CTNNA2: variants seen among roughly 807,000 people sequenced by gnomAD.
The protein encoded by CTNNA2 is catenin alpha-2.
In CTNNA2, 42 loss-of-function variants were observed where a neutral mutation model predicts 101.0. The ratio of observed to expected loss-of-function variants is 0.42; its 90% CI spans 0.32 to 0.54. CTNNA2 has a LOEUF of 0.54. Ranked by LOEUF, CTNNA2 falls within the 20% of genes least tolerant of loss-of-function variation. CTNNA2 has a pLI of 0.14. For synonymous variants in CTNNA2, 450 were observed against 456.4 expected, an observed-to-expected ratio of 0.99 and a Z score of 0.18; for missense variants, 871 against 1,223.1, an observed-to-expected ratio of 0.71 and a Z score of 4.29.
intron 2 of CTNNA2, among the ~76,000 whole-genome samples, chr2:79,653,235 A>T (rs1681380192): frequency 6.6e-6 from 1 of 152,090 alleles, no homozygotes; most frequent in Non-Finnish European, 1.5e-5. Context: ...CTTCATTTTC[A>T]TGAAGGGTTG....
At chr2:80,035,710 A>G (rs1194833563) in intron 7 of CTNNA2, among the ~76,000 whole-genome samples, 3 of 152,220 alleles carry the variant, frequency 2.0e-5, no homozygotes, top group African/African-American at 4.8e-5. Context: ...GTAAAATTCA[A>G]TTTGTATGAA....
chr2:80,514,802 G>A (rs191663846), intron 9 of CTNNA2, among the ~76,000 whole-genome samples: 1 of 152,236 alleles, frequency 6.6e-6, no homozygotes, highest in African/African-American at 2.4e-5. Flanking sequence ...GGCACAGGAT[G>A]GGGGGTGGGA....
At chr2:80,399,719 C>CCCAA (rs1239459599) in intron 8 of CTNNA2, among the ~76,000 whole-genome samples, 1 of 152,154 alleles carries the variant, frequency 6.6e-6, no homozygotes, top group Admixed American at 6.5e-5. Flanking sequence ...TGGTTCAATT[C>CCCAA]CCAACACCTT....
chr2:80,475,955 G>A (rs567080431), intron 9 of CTNNA2, among the ~76,000 whole-genome samples: 12 of 152,010 alleles, frequency 7.9e-5, no homozygotes, highest in Admixed American at 4.6e-4. Context: ...TGTTCCTATC[G>A]ACTAGAGCAA....
At chr2:80,346,927 C>T (rs1229068093) in intron 7 of CTNNA2, among the ~76,000 whole-genome samples, 1 of 152,212 alleles carries the variant, frequency 6.6e-6, no homozygotes, top group Non-Finnish European at 1.5e-5. Context: ...GCCCTCAGCA[C>T]TTCTTAAGGA....
intron 9 of CTNNA2, among the ~76,000 whole-genome samples, chr2:80,534,567 A>G (rs1368901): frequency 0.46 from 69,230 of 151,978 alleles, 16,006 homozygotes; most frequent in South Asian, 0.57. Context: ...CTGTCCTGCA[A>G]GAATTCAGTC....
intron 2 of CTNNA2, among the ~76,000 whole-genome samples, chr2:79,304,733 C>T (rs1450020291): frequency 6.6e-6 from 1 of 152,046 alleles, no homozygotes; most frequent in Non-Finnish European, 1.5e-5. Flanking sequence ...TGAGCAAAGC[C>T]AAATTGGGAG....
intron 3 of CTNNA2, among the ~76,000 whole-genome samples, chr2:79,806,326 G>C (rs1475573480): frequency 2.0e-5 from 3 of 152,172 alleles, no homozygotes; most frequent in Non-Finnish European, 2.9e-5. Flanking sequence ...AGGCAACTTA[G>C]AGGACGTTTT....
At chr2:79,537,655 T>C (rs1266638353) in intron 1 of CTNNA2, among the ~76,000 whole-genome samples, 4 of 152,216 alleles carry the variant, frequency 2.6e-5, no homozygotes, top group Non-Finnish European at 4.4e-5. Context: ...AAAGGCTGCT[T>C]GCTGCCCGCA....
At chr2:79,811,080 C>G (rs1676990912) in intron 3 of CTNNA2, among the ~76,000 whole-genome samples, 1 of 150,622 alleles carries the variant, frequency 6.6e-6, no homozygotes, top group Non-Finnish European at 1.5e-5. Context: ...ATTTCTAGTT[C>G]TAGATCCCTG....
chr2:79,847,609 A>G (rs979732884), intron 3 of CTNNA2, among the ~76,000 whole-genome samples: 2 of 151,434 alleles, frequency 1.3e-5, no homozygotes, highest in Non-Finnish European at 2.9e-5. Context: ...AGAAAGACAA[A>G]GCGTTTTTTG....
At chr2:80,541,196 G>A (rs1336398463) in intron 9 of CTNNA2, among the ~76,000 whole-genome samples, 1 of 152,160 alleles carries the variant, frequency 6.6e-6, no homozygotes, top group African/African-American at 2.4e-5. Context: ...AAATATGTAA[G>A]CCTGCCTCTG....
intron 3 of CTNNA2, among the ~76,000 whole-genome samples, chr2:79,807,215 A>G (rs11895270): frequency 0.019 from 2,874 of 152,002 alleles, 72 homozygotes; most frequent in African/African-American, 0.065. Context: ...CTTTTGTGTT[A>G]CCTCCTATTT....
chr2:79,549,401 A>G (rs1466217711), intron 1 of CTNNA2, among the ~76,000 whole-genome samples: 2 of 152,226 alleles, frequency 1.3e-5, no homozygotes, highest in Non-Finnish European at 2.9e-5. Context: ...ACTTACAGTC[A>G]TTTACATAGT....
intron 2 of CTNNA2, among the ~76,000 whole-genome samples, chr2:79,226,726 T>A (rs543522254): frequency 8.5e-5 from 13 of 152,314 alleles, no homozygotes; most frequent in African/African-American, 3.1e-4. Flanking sequence ...ATTACCAGGC[T>A]GAAATATGTT....
intron 7 of CTNNA2, among the ~76,000 whole-genome samples, chr2:80,115,465 CT>C (rs1437282469): frequency 6.6e-6 from 1 of 152,160 alleles, no homozygotes. Flanking sequence ...TCTCAAGGAG[CT>C]GATAATTTTA....
chr2:79,658,218 A>G (rs1009363541), intron 2 of CTNNA2, among the ~76,000 whole-genome samples: 8 of 151,984 alleles, frequency 5.3e-5, no homozygotes, highest in Non-Finnish European at 4.4e-5. Context: ...CTTTAGAGTC[A>G]GAGAGGCTCA....
intron 4 of CTNNA2, among the ~76,000 whole-genome samples, chr2:79,867,097 C>G (rs1315887425): frequency 6.6e-6 from 1 of 152,096 alleles, no homozygotes; most frequent in Non-Finnish European, 1.5e-5. Flanking sequence ...GCTCTTTGTT[C>G]AACTCGCAGT....
At chr2:80,173,562 C>T (rs1705206073) in intron 7 of CTNNA2, among the ~76,000 whole-genome samples, 1 of 152,096 alleles carries the variant, frequency 6.6e-6, no homozygotes, top group Admixed American at 6.6e-5. Context: ...ATGAAGGGAC[C>T]TTCTCTCCAA....
Sources: allele counts gnomAD v4.1 joint callset (sites outside exome capture counted in the v4.1 genomes callset), GRCh38; gene constraint gnomAD v4.1.1; transcripts MANE v1.5; gene names NCBI Gene and HGNC (gene_info 2026-07-23, HGNC 2026-07-21).